ERBIN: variants seen among roughly 807,000 people sequenced by gnomAD.
ERBIN encodes densin-180-like protein.
Under a neutral mutation model 158.4 loss-of-function variants are expected in ERBIN, and 60 were observed. That is an observed-to-expected ratio of 0.38 (90% CI 0.31 to 0.47). The LOEUF (loss-of-function observed/expected upper bound fraction) is 0.47, where lower values mean the gene tolerates loss of function less well. Among genes scored for constraint, ERBIN ranks in the 20% least tolerant of loss-of-function variants. The probability of loss-of-function intolerance (pLI) is 0.99; values close to 1 mark genes in which losing one functional copy is unlikely to be tolerated. For synonymous variants in ERBIN, 594 were observed against 557.2 expected (o/e 1.07, Z -0.93); for missense variants, 1,610 against 1,648.0 (o/e 0.98, Z 0.40).
chr5:65,956,524 C>T (rs962878628), intron 1 of ERBIN, among the ~76,000 whole-genome samples: 1 of 150,960 alleles, frequency 6.6e-6, no homozygotes, highest in Admixed American at 6.6e-5. Context: ...CGCCACCACA[C>T]ACGCCCAGCT....
chr5:65,994,886 A>C (rs756683923), intron 4 of ERBIN, 22 bp downstream of exon 4: 1 of 1,439,052 alleles, frequency 6.9e-7, no homozygotes, highest in South Asian at 1.2e-5. Context: ...TTTGCCCATA[A>C]TTTTTTGTAC....
intron 14 of ERBIN, among the ~76,000 whole-genome samples, chr5:66,030,099 A>G (rs921116317): frequency 3.3e-5 from 5 of 151,956 alleles, no homozygotes; most frequent in African/African-American, 9.7e-5. Flanking sequence ...GTGCAGTGGC[A>G]TGATCTTGGC....
chr5:65,927,280 A>G (rs997636261), intron 1 of ERBIN, among the ~76,000 whole-genome samples: 2 of 152,162 alleles, frequency 1.3e-5, no homozygotes, highest in Admixed American at 1.3e-4. Flanking sequence ...TTAATTGTAT[A>G]TAGAGGTATT....
At chr5:65,957,527 T>C (rs890108550) in intron 1 of ERBIN, among the ~76,000 whole-genome samples, 39 of 152,124 alleles carry the variant, frequency 2.6e-4, no homozygotes, top group Non-Finnish European at 2.9e-5. Flanking sequence ...GAGCACCGGG[T>C]TGGGGGTAAG....
At chr5:66,002,840 AT>A (rs1262930629) in intron 4 of ERBIN, among the ~76,000 whole-genome samples, 1 of 152,186 alleles carries the variant, frequency 6.6e-6, no homozygotes, top group African/African-American at 2.4e-5. Flanking sequence ...TAAAATTGCC[AT>A]TTTGCTTTGT....
chr5:66,058,250 A>G lies in ERBIN; in HGVS notation c.3633+3299A>G, dbSNP rs542803859. Among the ~76,000 whole-genome samples the G allele has an allele frequency of 7.5e-4, 114 of 151,174 alleles. 4 individuals carry two copies. The highest frequency in any genetic ancestry group is 2.8e-3 in the African/African-American group (112 of 40,480). ...TTCTAACTGGTGTGAGATGGTATCT[A>G]TCTCATTGTGGTTTTGATTTGTATT... On this transcript the variant is annotated intron_variant, in intron 21 of 25. Coordinates refer to ENST00000284037, the MANE Select transcript of ERBIN (RefSeq NM_001253697.2).
At position 66,012,087 on chromosome 5, in the gene ERBIN, GTT is replaced by G; in HGVS notation, c.349_350del (p.Leu117AspfsTer15). 6.2e-7 allele frequency: 1 copy of G among 1,607,412 alleles called. No individual in the cohort carries two copies. The highest frequency in any genetic ancestry group is 8.5e-7 in the Non-Finnish European group (1 of 1,176,512). On this transcript the variant is annotated frameshift_variant, in exon 5 of 26. Transcript: ENST00000284037. LOFTEE classifies it high-confidence loss of function. ...TCCAGAAAATATAAAAAATTGTAAA[GTT>G]TTGACAATTGTGGAGGCCAGTGTAA... ...EFPENIKNCK[V>X]LTIVEASVNP...
At chr5:66,056,130 G>A (rs1012534940) in intron 21 of ERBIN, among the ~76,000 whole-genome samples, 1 of 152,180 alleles carries the variant, frequency 6.6e-6, no homozygotes, top group Non-Finnish European at 1.5e-5. Context: ...TTTAGAGGAA[G>A]AGGCTGTAGT....
intron 2 of ERBIN, among the ~76,000 whole-genome samples, chr5:65,992,416 G>A (rs555333936): frequency 3.4e-4 from 51 of 151,972 alleles, no homozygotes; most frequent in African/African-American, 1.2e-3. Flanking sequence ...CAAAGTGCTG[G>A]GATTACAGGT....
chr5:66,041,371 G>A (rs1757903977), intron 15 of ERBIN, among the ~76,000 whole-genome samples: 1 of 151,998 alleles, frequency 6.6e-6, no homozygotes, highest in Admixed American at 6.6e-5. Flanking sequence ...AAGTTGTAGT[G>A]TTGGGGTGGT....
chr5:66,025,643 A>G (rs370686923), intron 11 of ERBIN, 91 bp downstream of exon 11: 3 of 1,084,712 alleles, frequency 2.8e-6, no homozygotes, highest in African/African-American at 3.2e-5. Flanking sequence ...TAAATGACCT[A>G]AAGATTTTGT....
chr5:65,958,331 T>A (rs1291205287), intron 1 of ERBIN, among the ~76,000 whole-genome samples: 1 of 152,086 alleles, frequency 6.6e-6, no homozygotes, highest in Non-Finnish European at 1.5e-5. Context: ...CTGGGCAACA[T>A]TGAGCACTGA....
At chr5:66,044,944 G>A (rs1758278823) in intron 17 of ERBIN, among the ~76,000 whole-genome samples, 1 of 152,086 alleles carries the variant, frequency 6.6e-6, no homozygotes, top group South Asian at 2.1e-4. Flanking sequence ...GCTGGGCTTG[G>A]TGATGTGTGC....
chr5:65,933,406 A>G (rs1361944537), intron 1 of ERBIN, among the ~76,000 whole-genome samples: 3 of 152,194 alleles, frequency 2.0e-5, no homozygotes, highest in East Asian at 1.9e-4. Flanking sequence ...TTCTCTTTGA[A>G]GGTATGTGGG....
At chr5:66,023,000 C>T in intron 8 of ERBIN, 1 of 233,500 alleles carries the variant, frequency 4.3e-6, no homozygotes, top group African/African-American at 2.3e-5. Context: ...AAAAACTTGC[C>T]CCTGTTGTGT....
chr5:65,971,335 G>C (rs910676698), intron 1 of ERBIN, among the ~76,000 whole-genome samples: 3 of 151,818 alleles, frequency 2.0e-5, no homozygotes, highest in African/African-American at 7.3e-5. Context: ...TCCCTTTTTA[G>C]AAGAATAGGT....
chr5:65,955,410 A>T (rs1002049398), intron 1 of ERBIN, among the ~76,000 whole-genome samples: 1 of 152,174 alleles, frequency 6.6e-6, no homozygotes, highest in Non-Finnish European at 1.5e-5. Flanking sequence ...TGTGCGGATC[A>T]CTTGAGGTCA....
intron 21 of ERBIN, among the ~76,000 whole-genome samples, chr5:66,055,749 T>TA (rs1376596011): frequency 1.3e-5 from 2 of 152,184 alleles, no homozygotes; most frequent in African/African-American, 2.4e-5. Context: ...TTATTAAATA[T>TA]AAAATGTGTT....
In ERBIN at chr5:66,025,485, T is replaced by C. The variant is rs901747645; in HGVS notation, c.823T>C (p.Leu275=). 6.2e-7 allele frequency: 1 copy of C among 1,610,094 alleles called. No homozygotes were observed. Among genetic ancestry groups the C allele is most frequent in the Non-Finnish European group, 8.5e-7 (1 of 1,176,790 alleles). ...GTTGTTTCTTCCCTCATTAGGTTCG[T>C]TGAAGAATATAACAACGCTTAAAAT... ...LQQLPETIGS[L]KNITTLKIDE... The change falls in exon 11 of 26, where the codon TTG becomes CTG. Residue 275 remains leucine, a synonymous_variant. Transcript: ENST00000284037.
Sources: allele counts gnomAD v4.1 joint callset (sites outside exome capture counted in the v4.1 genomes callset), GRCh38; gene constraint gnomAD v4.1.1; transcripts MANE v1.5; gene names NCBI Gene and HGNC (gene_info 2026-07-23, HGNC 2026-07-21).